Variants in WNK3 observed in about 807,000 individuals in gnomAD.
WNK3 encodes the protein WNK lysine deficient protein kinase 3.
A neutral mutation model predicts 116.7 loss-of-function variants in WNK3; 18 were observed. The ratio of observed to expected loss-of-function variants is 0.15; its 90% CI spans 0.11 to 0.23. The LOEUF (loss-of-function observed/expected upper bound fraction) is 0.23, where lower values mean the gene tolerates loss of function less well. Among genes scored for constraint, WNK3 ranks in the 10% least tolerant of loss-of-function variants. The pLI, the probability that WNK3 is intolerant of heterozygous loss-of-function variation, is 1.00. For missense variants in WNK3, 993 were observed against 1,323.8 expected (o/e 0.75, Z 3.88); for synonymous variants, 404 against 469.4 (o/e 0.86, Z 1.80).
chrX:54,337,557 C>CAAATAAAT (rs56172743), intron 1 of WNK3, among the ~76,000 whole-genome samples: 10,338 of 73,756 alleles, frequency 0.14, 805 homozygotes, highest in African/African-American at 0.22. Flanking sequence ...AGACTAGTCT[C>CAAATAAAT]AAATAAATAA....
intron 17 of WNK3, among the ~76,000 whole-genome samples, chrX:54,245,145 C>CAT (rs1200043497): frequency 1.2e-5 from 1 of 84,673 alleles, no homozygotes; most frequent in African/African-American, 4.4e-5. Flanking sequence ...CATATATATG[C>CAT]GTGTGTGTGT....
At chrX:54,208,343 C>T (rs1275188925) in intron 22 of WNK3, among the ~76,000 whole-genome samples, 1 of 109,998 alleles carries the variant, frequency 9.1e-6, no homozygotes, top group Non-Finnish European at 1.9e-5. Context: ...CCAGGATGGT[C>T]TCAATCTCCT....
intron 2 of WNK3, among the ~76,000 whole-genome samples, 169 bp downstream of exon 2, chrX:54,332,968 T>C (rs782546123): frequency 9.0e-6 from 1 of 110,976 alleles, no homozygotes; most frequent in Non-Finnish European, 1.9e-5. Context: ...AAAAAAAAGT[T>C]TGGAGTGAGC....
intron 2 of WNK3, among the ~76,000 whole-genome samples, chrX:54,323,576 A>T (rs2069062851): frequency 2.7e-5 from 3 of 111,407 alleles, no homozygotes; most frequent in Non-Finnish European, 5.7e-5. Flanking sequence ...TCTTTTTGCA[A>T]CTCTTCTGTG....
intron 22 of WNK3, among the ~76,000 whole-genome samples, chrX:54,225,634 A>G (rs1420778109): frequency 3.7e-5 from 4 of 109,431 alleles, no homozygotes; most frequent in Admixed American, 9.9e-5. Flanking sequence ...AAAAAAAAAA[A>G]AAAGAAAGAA....
chrX:54,222,915 A>AATAATATAT lies in WNK3; in HGVS notation c.4870+5798_4870+5799insATATATTAT, dbSNP rs1491230973. ...ATAGTATAATAATAATAATAATAAT[A>AATAATATAT]ATATATATATATATATATATATATA... is the stretch of plus-strand genomic sequence containing the variant. On this transcript the variant is annotated intron_variant, in intron 22 of 23. Coordinates refer to ENST00000354646, the Ensembl canonical transcript of WNK3. 1.0e-3 allele frequency among the ~76,000 whole-genome samples: 81 copies of AATAATATAT among 80,992 alleles called. 1 individual carries two copies. Among genetic ancestry groups the AATAATATAT allele is most frequent in the African/African-American group, 4.5e-3 (78 of 17,216 alleles). The allele number at this position is 80,992 out of a possible 115,157, so 70.3% of individuals were successfully genotyped here. A position where few individuals can be genotyped will look rare whatever the true frequency, so the allele number is the denominator to read the frequency against.
At chrX:54,202,424 G>T (rs2067510312) in intron 22 of WNK3, among the ~76,000 whole-genome samples, 1 of 111,051 alleles carries the variant, frequency 9.0e-6, no homozygotes, top group Non-Finnish European at 1.9e-5. Flanking sequence ...TGGGCGCAGT[G>T]GCTCACACCT....
At chrX:54,242,465 C>T (rs1557151792) in intron 17 of WNK3, among the ~76,000 whole-genome samples, 1 of 111,716 alleles carries the variant, frequency 9.0e-6, no homozygotes, top group East Asian at 2.8e-4. Context: ...TCTGAATAGC[C>T]AAAAAATATT....
exon 8 of WNK3, chrX:54,294,775 T>C (rs1406972167): frequency 8.3e-7 from 1 of 1,211,144 alleles, no homozygotes; most frequent in South Asian, 1.8e-5. Flanking sequence ...GTCTTCTTTA[T>C]TGGCGTCACC....
chrX:54,256,711 A>G, intron 11 of WNK3, among the ~76,000 whole-genome samples: 1 of 112,596 alleles, frequency 8.9e-6, no homozygotes, highest in Non-Finnish European at 1.9e-5. Context: ...GCATCTATAT[A>G]TAGATGTACA....
At chrX:54,337,177 C>A (rs1272606331) in intron 1 of WNK3, among the ~76,000 whole-genome samples, 1 of 111,773 alleles carries the variant, frequency 8.9e-6, no homozygotes, top group Non-Finnish European at 1.9e-5. Flanking sequence ...GACAAAAGGG[C>A]ATCTAAGCAA....
At chrX:54,199,157 A>C (rs1347282139) in intron 23 of WNK3, among the ~76,000 whole-genome samples, 4 of 110,747 alleles carry the variant, frequency 3.6e-5, no homozygotes, top group Non-Finnish European at 7.6e-5. Flanking sequence ...CCTAGAAATC[A>C]AATGTGTGAT....
intron 22 of WNK3, among the ~76,000 whole-genome samples, chrX:54,208,210 C>T (rs1218670005): frequency 2.7e-5 from 3 of 110,248 alleles, no homozygotes; most frequent in Admixed American, 9.8e-5. Context: ...CTGCAAGCTC[C>T]GCCTCCCGGG....
intron 17 of WNK3, among the ~76,000 whole-genome samples, chrX:54,241,606 T>A (rs2068021818): frequency 9.0e-6 from 1 of 111,257 alleles, no homozygotes; most frequent in Non-Finnish European, 1.9e-5. Context: ...GCTTAAAAAT[T>A]GAGAAATTAT....
chrX:54,233,990 T>A (rs2067934324), intron 20 of WNK3, among the ~76,000 whole-genome samples: 2 of 108,592 alleles, frequency 1.8e-5, no homozygotes, highest in Non-Finnish European at 3.8e-5. Flanking sequence ...ATAATAATAA[T>A]TGTAATAGTA....
chrX:54,273,631 C>T (rs2068409162), intron 10 of WNK3, among the ~76,000 whole-genome samples: 1 of 111,797 alleles, frequency 8.9e-6, no homozygotes, highest in Admixed American at 9.6e-5. Flanking sequence ...GGTAAAGAAC[C>T]TTCCAAAAGA....
intron 22 of WNK3, among the ~76,000 whole-genome samples, chrX:54,216,467 C>T (rs2067697293): frequency 9.1e-6 from 1 of 109,865 alleles, no homozygotes; most frequent in South Asian, 3.9e-4. Context: ...AAAGTGCAGG[C>T]AACAACTCAG....
chrX:54,251,575 G>A, exon 14 of WNK3: 1 of 1,210,560 alleles, frequency 8.3e-7, no homozygotes, highest in Non-Finnish European at 1.1e-6. Flanking sequence ...AACTCCAGTG[G>A]CTCTTTCTGT....
intron 10 of WNK3, among the ~76,000 whole-genome samples, chrX:54,265,449 T>G (rs1040610454): frequency 2.7e-5 from 3 of 110,331 alleles, no homozygotes; most frequent in Non-Finnish European, 5.7e-5. Flanking sequence ...ATTGCGCAAC[T>G]GCACTCCAGC....
Sources: gnomAD v4.1 joint callset for allele counts (sites outside exome capture counted in the v4.1 genomes callset) on GRCh38, gnomAD v4.1.1 for gene constraint, MANE v1.5 for transcripts, NCBI Gene and HGNC (gene_info 2026-07-23, HGNC 2026-07-21) for gene names.